The following NAALADL2 variants were observed in gnomAD, a reference collection of about 807,000 sequenced individuals.
NAALADL2 encodes the protein N-acetylated alpha-linked acidic dipeptidase like 2.
In NAALADL2, 76 loss-of-function variants were observed where a neutral mutation model predicts 87.2. The observed-to-expected ratio is 0.87, with a 90% CI of 0.72 to 1.05. The LOEUF is 1.05. Among genes scored for constraint, NAALADL2 ranks in the 50% least tolerant of loss-of-function variants. NAALADL2 has a pLI of 0.00. For synonymous variants in NAALADL2, 354 were observed against 331.0 expected (o/e 1.07, Z -0.75); for missense variants, 1,089 against 945.8 (o/e 1.15, Z -1.99).
chr3:174,881,582 T>G (rs1329971591), intron 1 of NAALADL2, among the ~76,000 whole-genome samples: 1 of 152,128 alleles, frequency 6.6e-6, no homozygotes, highest in African/African-American at 2.4e-5. Flanking sequence ...ACTTTATGTT[T>G]GTTGGTTTAT....
At chr3:175,449,088 TA>T (rs1721129471) in intron 6 of NAALADL2, among the ~76,000 whole-genome samples, 1 of 152,066 alleles carries the variant, frequency 6.6e-6, no homozygotes, top group Non-Finnish European at 1.5e-5. Context: ...ACTACTTTTT[TA>T]AAAAAATGCA....
chr3:175,393,606 A>G (rs1233802589), intron 5 of NAALADL2, among the ~76,000 whole-genome samples: 1 of 152,100 alleles, frequency 6.6e-6, no homozygotes, highest in Non-Finnish European at 1.5e-5. Context: ...TGCTCACCCT[A>G]TGCACTCTCT....
intron 3 of NAALADL2, among the ~76,000 whole-genome samples, chr3:174,739,927 A>G (rs1280881512): frequency 6.6e-6 from 1 of 152,086 alleles, no homozygotes; most frequent in Non-Finnish European, 1.5e-5. Flanking sequence ...AACAATAAAC[A>G]TATAAATGAA....
chr3:175,783,745 T>A (rs1751492722), intron 13 of NAALADL2, among the ~76,000 whole-genome samples: 1 of 151,126 alleles, frequency 6.6e-6, no homozygotes, highest in Admixed American at 6.6e-5. Flanking sequence ...CTATGTTGAA[T>A]AGGAGTGGTG....
intron 3 of NAALADL2, among the ~76,000 whole-genome samples, chr3:174,820,160 C>A (rs895479049): frequency 1.3e-5 from 2 of 152,096 alleles, no homozygotes; most frequent in African/African-American, 4.8e-5. Flanking sequence ...CACTCTGCCA[C>A]AATACATAGA....
At chr3:175,100,579 T>C (rs958045261) in intron 2 of NAALADL2, among the ~76,000 whole-genome samples, 29 of 152,262 alleles carry the variant, frequency 1.9e-4, no homozygotes, top group South Asian at 1.7e-3. Context: ...GGGTAATGCC[T>C]GTAATCCCAG....
chr3:175,125,896 T>A (rs1726874143), intron 2 of NAALADL2, among the ~76,000 whole-genome samples: 1 of 151,930 alleles, frequency 6.6e-6, no homozygotes, highest in Admixed American at 6.6e-5. Flanking sequence ...AAGGACTGAC[T>A]TAGACTTGAG....
intron 11 of NAALADL2, among the ~76,000 whole-genome samples, chr3:175,714,095 G>A (rs1265293800): frequency 6.6e-6 from 1 of 152,144 alleles, no homozygotes; most frequent in African/African-American, 2.4e-5. Context: ...ATTCCATGGT[G>A]TATATGTGCC....
At chr3:174,932,666 A>T (rs1361954171) in intron 1 of NAALADL2, among the ~76,000 whole-genome samples, 1 of 152,168 alleles carries the variant, frequency 6.6e-6, no homozygotes. Context: ...GTCTGTCAGC[A>T]AAAAAATACC....
chr3:175,054,101 A>C (rs1350672602), intron 1 of NAALADL2, among the ~76,000 whole-genome samples: 1 of 152,250 alleles, frequency 6.6e-6, no homozygotes, highest in African/African-American at 2.4e-5. Context: ...ACGTATGAAG[A>C]ATCAGAACTC....
At chr3:174,935,174 A>C (rs1486930387) in intron 1 of NAALADL2, among the ~76,000 whole-genome samples, 1 of 152,174 alleles carries the variant, frequency 6.6e-6, no homozygotes, top group Non-Finnish European at 1.5e-5. Context: ...TGCAAAAAAA[A>C]AAATGTTCAC....
At chr3:174,574,404 T>G (rs1715296220) in intron 2 of NAALADL2, among the ~76,000 whole-genome samples, 1 of 152,144 alleles carries the variant, frequency 6.6e-6, no homozygotes, top group Non-Finnish European at 1.5e-5. Flanking sequence ...TCTGTTTTTT[T>G]AAAGCAGAGT....
At chr3:174,815,821 T>A (rs549949356) in intron 3 of NAALADL2, among the ~76,000 whole-genome samples, 12 of 143,716 alleles carry the variant, frequency 8.3e-5, no homozygotes, top group South Asian at 6.6e-4. Context: ...GCAGCTAAAT[T>A]TGACTTTAGT....
intron 9 of NAALADL2, among the ~76,000 whole-genome samples, chr3:175,506,418 A>G (rs1582171545): frequency 6.6e-6 from 1 of 152,244 alleles, no homozygotes; most frequent in African/African-American, 2.4e-5. Flanking sequence ...ACATTTAGGA[A>G]CTATCATCTT....
intron 2 of NAALADL2, among the ~76,000 whole-genome samples, chr3:174,561,698 C>T (rs1031973753): frequency 2.0e-5 from 3 of 152,096 alleles, no homozygotes; most frequent in Non-Finnish European, 4.4e-5. Flanking sequence ...GAATCAGAAG[C>T]CTGACTAGAG....
At chr3:174,655,015 G>A (rs1166644964) in intron 2 of NAALADL2, among the ~76,000 whole-genome samples, 1 of 152,152 alleles carries the variant, frequency 6.6e-6, no homozygotes, top group Non-Finnish European at 1.5e-5. Context: ...GATTACAGGC[G>A]TGAGCTTACC....
chr3:174,687,885 G>A (rs1315969790), intron 2 of NAALADL2, among the ~76,000 whole-genome samples: 1 of 151,962 alleles, frequency 6.6e-6, no homozygotes. Flanking sequence ...CCCTGCACAA[G>A]CTCTCTTGCC....
chr3:174,586,988 C>T (rs1202465846), intron 2 of NAALADL2, among the ~76,000 whole-genome samples: 1 of 137,066 alleles, frequency 7.3e-6, no homozygotes, highest in African/African-American at 2.6e-5. Context: ...TGCCCCTCCC[C>T]CCACCCCACG....
chr3:175,804,146 T>C lies in NAALADL2; in HGVS notation c.*943T>C, dbSNP rs571824031. On this transcript the variant is annotated 3_prime_UTR_variant, in exon 14 of 14. Transcript: ENST00000454872. ...AACAGTAAAGTAGCAGAGTTTCTCTTTGAAACCCAAAATGTCTTCTAAAGA... is the reference window on the plus strand; with the variant it reads ...AACAGTAAAGTAGCAGAGTTTCTCTCTGAAACCCAAAATGTCTTCTAAAGA... The C allele has an allele frequency of 3.0e-4, 45 of 152,054 alleles. No homozygotes were observed. Among genetic ancestry groups the C allele is most frequent in the East Asian group, 2.1e-3 (11 of 5,180 alleles). 9.4% of individuals were successfully genotyped at this position (152,054 alleles called of 1,614,324 possible).
Sources: gnomAD v4.1 joint callset for allele counts (sites outside exome capture counted in the v4.1 genomes callset) on GRCh38, gnomAD v4.1.1 for gene constraint, MANE v1.5 for transcripts, NCBI Gene and HGNC (gene_info 2026-07-23, HGNC 2026-07-21) for gene names.